MACO1: variants seen among roughly 807,000 people sequenced by gnomAD.
The protein encoded by MACO1 is macoilin 1.
In MACO1, 14 loss-of-function variants were observed where a neutral mutation model predicts 78.7. The ratio of observed to expected loss-of-function variants is 0.18; its 90% confidence interval spans 0.12 to 0.28. MACO1 has a LOEUF of 0.28. Among genes scored for constraint, MACO1 ranks in the 10% least tolerant of loss-of-function variants. MACO1 has a pLI of 1.00. For missense variants in MACO1, 501 were observed against 799.0 expected (o/e 0.63, Z 4.50); for synonymous variants, 288 against 291.6 (o/e 0.99, Z 0.12).
Position 25,484,257 on chromosome 1 carries a change from C to T in MACO1, c.1296C>T (p.Asn432=), listed in dbSNP as rs148044722. ...RSEMGQLRQE[N]ELLQNKLHNA... ...AAATGGGCCAGCTTCGGCAGGAGAA[C>T]GAGCTGCTGCAGAACAAGTACGTGC... Residue 432 remains asparagine, a synonymous_variant, in exon 7 of 11, where the codon AAC becomes AAT. Transcript: ENST00000374343. The T allele has an allele frequency of 5.3e-5, 86 of 1,611,142 alleles. No individual in the cohort carries two copies. The highest frequency in any genetic ancestry group is 1.3e-4 in the African/African-American group (10 of 74,760).
chr1:25,430,940 C>A lies in MACO1; in HGVS notation c.-159C>A, dbSNP rs868476610. ...AAGGCGGAGGAGGCTCCGAGCCCCC[C>A]CTCCCCGTGCTACCCCCTCCCCCCG... On this transcript the variant is annotated 5_prime_UTR_variant, in exon 1 of 11. Coordinates refer to ENST00000374343, the MANE Select transcript of MACO1 (RefSeq NM_018202.6). 3.8e-5 allele frequency: 18 copies of A among 471,944 alleles called. No homozygotes were observed. The highest frequency in any genetic ancestry group is 2.3e-4 in the African/African-American group (11 of 47,804). The allele number at this position is 471,944 out of a possible 1,614,324, so 29.2% of individuals were successfully genotyped here. A position where few individuals can be genotyped will look rare whatever the true frequency, so the allele number is the denominator to read the frequency against.
intron 6 of MACO1, among the ~76,000 whole-genome samples, chr1:25,465,568 C>CT (rs2043211229): frequency 6.6e-6 from 1 of 152,130 alleles, no homozygotes; most frequent in Non-Finnish European, 1.5e-5. Context: ...TTTTTATATG[C>CT]TTGTTTACCA....
rs1427717882 is a variant in MACO1, at chr1:25,454,368, A to G, written c.459A>G (p.Pro153=). 1.2e-6 allele frequency: 2 copies of G among 1,604,172 alleles called. No homozygotes were observed. The highest frequency in any genetic ancestry group is 1.7e-6 in the Non-Finnish European group (2 of 1,176,850). Residue 153 remains proline, a synonymous_variant, in exon 4 of 11, where the codon CCA becomes CCG. Coordinates refer to ENST00000374343, the MANE Select transcript of MACO1 (RefSeq NM_018202.6). ...ACTTTCATGTAGACCTTTGTCGTCC[A>G]TTTGCTGCTCACTGGTAAGTATTAC... The part of the protein sequence containing the change: ...LKNFHVDLCR[P]FAAHCIGYPV...
intron 6 of MACO1, among the ~76,000 whole-genome samples, chr1:25,474,260 A>T (rs1340046866): frequency 6.6e-6 from 1 of 152,158 alleles, no homozygotes; most frequent in Non-Finnish European, 1.5e-5. Flanking sequence ...TTTTTTTAAC[A>T]TCATGTAGGA....
At chr1:25,493,455 GC>G (rs1365174671) in intron 10 of MACO1, among the ~76,000 whole-genome samples, 2 of 148,008 alleles carry the variant, frequency 1.4e-5, no homozygotes, top group Admixed American at 1.4e-4. Flanking sequence ...TCACTTTGTT[GC>G]CCAGGCTGAC....
intron 6 of MACO1, 145 bp downstream of exon 6, chr1:25,459,037 A>G: frequency 9.7e-7 from 1 of 1,025,734 alleles, no homozygotes; most frequent in African/African-American, 1.6e-5. Context: ...TTTGTTGGCC[A>G]CCTTGTGTTA....
intron 1 of MACO1, among the ~76,000 whole-genome samples, chr1:25,440,174 G>A (rs1336799469): frequency 1.4e-5 from 2 of 148,008 alleles, no homozygotes; most frequent in East Asian, 4.0e-4. Context: ...GATCACTTGA[G>A]CCCAGGATCT....
At chr1:25,437,649 G>A (rs2042931436) in intron 1 of MACO1, among the ~76,000 whole-genome samples, 2 of 152,118 alleles carry the variant, frequency 1.3e-5, no homozygotes, top group Admixed American at 1.3e-4. Context: ...ATTTTTGGCC[G>A]GGTGTGATGG....
chr1:25,462,256 C>G (rs2043178457), intron 6 of MACO1, among the ~76,000 whole-genome samples: 1 of 152,108 alleles, frequency 6.6e-6, no homozygotes, highest in African/African-American at 2.4e-5. Flanking sequence ...ACAAACTTCC[C>G]CAGGGATGCT....
At chr1:25,476,231 T>C (rs2124601585) in intron 6 of MACO1, among the ~76,000 whole-genome samples, 1 of 152,364 alleles carries the variant, frequency 6.6e-6, no homozygotes, top group East Asian at 1.9e-4. Context: ...TAGAATTCTT[T>C]TCTGTCTCTC....
chr1:25,491,472 C>T lies in MACO1; in HGVS notation c.1680C>T (p.Ala560=). The stretch of plus-strand genomic sequence containing the variant: ...AGGTGTTAATGTCAGCCCTCTCAGC[C>T]ATGCAAGACAAAACACAGCACCTGG... The part of the protein sequence containing the change: ...DTEVLMSALS[A]MQDKTQHLEN... Residue 560 remains alanine (A), a synonymous_variant, in exon 10 of 11, where the codon GCC becomes GCT. Coordinates refer to ENST00000374343, the MANE Select transcript of MACO1 (RefSeq NM_018202.6). 6.2e-7 allele frequency: 1 copy of T among 1,614,240 alleles called. No homozygotes were observed. The highest frequency in any genetic ancestry group is 8.5e-7 in the Non-Finnish European group (1 of 1,180,040).
At chr1:25,487,166 C>A (rs1383793772) in intron 8 of MACO1, among the ~76,000 whole-genome samples, 1 of 151,818 alleles carries the variant, frequency 6.6e-6, no homozygotes, top group East Asian at 1.9e-4. Context: ...TTTTTTCCTT[C>A]TTTTTGAGAC....
intron 6 of MACO1, among the ~76,000 whole-genome samples, chr1:25,470,992 C>A (rs2043263488): frequency 6.6e-6 from 1 of 151,860 alleles, no homozygotes; most frequent in African/African-American, 2.4e-5. Flanking sequence ...CGCACCTCTG[C>A]ACTCCAGCCT....
chr1:25,432,382 A>C (rs1414238048), intron 1 of MACO1, among the ~76,000 whole-genome samples: 1 of 152,228 alleles, frequency 6.6e-6, no homozygotes, highest in Non-Finnish European at 1.5e-5. Flanking sequence ...AAGGAATCAA[A>C]GTAAAAATTT....
intron 6 of MACO1, among the ~76,000 whole-genome samples, chr1:25,470,216 C>G (rs1242297187): frequency 6.6e-6 from 1 of 152,170 alleles, no homozygotes; most frequent in East Asian, 1.9e-4. Flanking sequence ...TTCAAAGCCA[C>G]TAGCAAATTT....
intron 6 of MACO1, among the ~76,000 whole-genome samples, chr1:25,461,023 A>C (rs185858635): frequency 6.6e-6 from 1 of 152,224 alleles, no homozygotes; most frequent in Admixed American, 6.5e-5. Context: ...ATGGAATACT[A>C]TGCAGCCATA....
intron 1 of MACO1, among the ~76,000 whole-genome samples, chr1:25,431,830 C>G (rs112451143): frequency 1.1e-4 from 16 of 152,326 alleles, no homozygotes; most frequent in African/African-American, 3.8e-4. Flanking sequence ...GGTCTGATGA[C>G]CAGTTTTTCA....
intron 5 of MACO1, 41 bp downstream of exon 5, chr1:25,456,872 C>T (rs1453444589): frequency 6.5e-7 from 1 of 1,535,790 alleles, no homozygotes; most frequent in African/African-American, 1.4e-5. Flanking sequence ...ATAGGCTAGT[C>T]ATTATTTTGT....
chr1:25,442,851 T>A (rs897731966), intron 1 of MACO1, among the ~76,000 whole-genome samples: 1 of 152,234 alleles, frequency 6.6e-6, no homozygotes, highest in Non-Finnish European at 1.5e-5. Context: ...TGCCCTTGTT[T>A]CAATATATTA....
Sources: gnomAD v4.1 joint callset for allele counts (sites outside exome capture counted in the v4.1 genomes callset) on GRCh38, gnomAD v4.1.1 for gene constraint, MANE v1.5 for transcripts, NCBI Gene and HGNC (gene_info 2026-07-23, HGNC 2026-07-21) for gene names.